The following CEPT1 variants were observed in gnomAD, a reference collection of about 807,000 sequenced individuals.
CEPT1 encodes the protein choline/ethanolamine phosphotransferase 1.
A neutral mutation model predicts 42.6 loss-of-function variants in CEPT1; 7 were observed. The observed-to-expected ratio is 0.16, with a 90% CI of 0.09 to 0.31. CEPT1 has a LOEUF of 0.31. Ranked by LOEUF, CEPT1 falls within the 10% of genes least tolerant of loss-of-function variation. The pLI is 1.00. For missense variants in CEPT1, 306 were observed against 502.1 expected (o/e 0.61, Z 3.73); for synonymous variants, 171 against 171.9 (o/e 0.99, Z 0.04).
chr1:111,182,325 A>G lies in CEPT1; in HGVS notation c.846+7A>G. On this transcript the variant is annotated splice_region_variant and intron_variant, in intron 6 of 8. Transcript: ENST00000357172. Reference sequence around the variant, plus strand: ...AAATGGATCAACAATAGCAGTAAGTATACCTTAAGATTTTCAACACTTGTT... The same window carrying G: ...AAATGGATCAACAATAGCAGTAAGTGTACCTTAAGATTTTCAACACTTGTT... The G allele has an allele frequency of 1.2e-6, 2 of 1,608,616 alleles. No individual in the cohort carries two copies. The highest frequency in any genetic ancestry group is 1.7e-6 in the Non-Finnish European group (2 of 1,178,246).
At chr1:111,171,481 C>T (rs1442082018) in intron 4 of CEPT1, among the ~76,000 whole-genome samples, 1 of 152,116 alleles carries the variant, frequency 6.6e-6, no homozygotes, top group Non-Finnish European at 1.5e-5. Flanking sequence ...GAATGATTGG[C>T]CTAAAGTTTA....
intron 5 of CEPT1, among the ~76,000 whole-genome samples, chr1:111,176,578 A>G (rs111275755): frequency 6.6e-6 from 1 of 152,178 alleles, no homozygotes; most frequent in Admixed American, 6.5e-5. Context: ...ATACAGGTTA[A>G]GTATCCCTTG....
intron 4 of CEPT1, among the ~76,000 whole-genome samples, chr1:111,164,432 G>A (rs1331912223): frequency 6.6e-6 from 1 of 152,138 alleles, no homozygotes; most frequent in African/African-American, 2.4e-5. Flanking sequence ...GGGGTTAGAG[G>A]CTAGAATTTC....
chr1:111,183,959 A>G (rs1170529228), intron 8 of CEPT1, among the ~76,000 whole-genome samples: 1 of 152,180 alleles, frequency 6.6e-6, no homozygotes, highest in Non-Finnish European at 1.5e-5. Context: ...TCATGGTACA[A>G]TGGCAGAGTT....
chr1:111,182,276 A>G lies in CEPT1; in HGVS notation c.804A>G (p.Val268=). The G allele has an allele frequency of 6.2e-7, 1 of 1,613,304 alleles. No homozygotes were observed. Residue 268 remains valine, a synonymous_variant, in exon 6 of 9, where the codon GTA becomes GTG. Transcript: ENST00000357172. ...TTTCCTGTACAAATTACTTCCGTGT[A>G]ATCTTCACAGGTGGTGTTGGCAAAA... ...TIFSCTNYFR[V]IFTGGVGKNG...
intron 2 of CEPT1, among the ~76,000 whole-genome samples, chr1:111,156,571 GA>G (rs768002670): frequency 9.3e-4 from 141 of 151,506 alleles, no homozygotes; most frequent in African/African-American, 3.2e-3. Flanking sequence ...GATGAGCGGG[GA>G]AAAAAAAATC....
At chr1:111,159,248 T>C (rs959717358) in intron 2 of CEPT1, 132 bp from the exon 3 acceptor site, 1 of 813,012 alleles carries the variant, frequency 1.2e-6, no homozygotes, top group East Asian at 2.7e-5. Flanking sequence ...CAGTGAGTTC[T>C]TCATTATGTA....
intron 2 of CEPT1, among the ~76,000 whole-genome samples, chr1:111,154,291 A>C (rs1284321340): frequency 1.3e-5 from 2 of 148,534 alleles, no homozygotes; most frequent in Non-Finnish European, 3.0e-5. Context: ...ATTTTTTTCC[A>C]GCTAGTTTGT....
chr1:111,184,053 G>A (rs1325797424), intron 8 of CEPT1, 138 bp from the exon 9 acceptor site: 1 of 913,738 alleles, frequency 1.1e-6, no homozygotes, highest in Non-Finnish European at 1.7e-6. Flanking sequence ...TGTATGTGAA[G>A]GAAAGATTGC....
chr1:111,183,901 T>C (rs1657120461), intron 8 of CEPT1, among the ~76,000 whole-genome samples: 1 of 152,196 alleles, frequency 6.6e-6, no homozygotes, highest in South Asian at 2.1e-4. Flanking sequence ...TACAGTTTTA[T>C]TGGAACACAG....
intron 3 of CEPT1, 184 bp downstream of exon 3, chr1:111,159,711 T>C (rs548023454): frequency 2.2e-6 from 1 of 457,140 alleles, no homozygotes; most frequent in Non-Finnish European, 3.7e-6. Context: ...AATTTAGAAA[T>C]TACTTTCTGC....
chr1:111,184,028 C>T (rs1657126426), intron 8 of CEPT1, among the ~76,000 whole-genome samples, 163 bp from the exon 9 acceptor site: 2 of 152,238 alleles, frequency 1.3e-5, no homozygotes, highest in South Asian at 4.1e-4. Flanking sequence ...CCATCTGTCT[C>T]TCTAACAAAG....
At chr1:111,144,806 G>A (rs755960058) in intron 1 of CEPT1, among the ~76,000 whole-genome samples, 1 of 152,070 alleles carries the variant, frequency 6.6e-6, no homozygotes, top group African/African-American at 2.4e-5. Context: ...ATCATTGCTC[G>A]ACTATAGAAA....
At chr1:111,155,469 A>G (rs1655511941) in intron 2 of CEPT1, among the ~76,000 whole-genome samples, 1 of 151,932 alleles carries the variant, frequency 6.6e-6, no homozygotes, top group African/African-American at 2.4e-5. Context: ...GTGTATACAC[A>G]CAACATATAT....
At chr1:111,147,532 A>C in intron 1 of CEPT1, 110 bp from the exon 2 acceptor site, 1 of 494,726 alleles carries the variant, frequency 2.0e-6, no homozygotes, top group East Asian at 3.3e-5. Flanking sequence ...GATACTTACT[A>C]CTTTATTGAC....
chr1:111,154,656 T>TA (rs1571124223), intron 2 of CEPT1, among the ~76,000 whole-genome samples: 1 of 152,178 alleles, frequency 6.6e-6, no homozygotes, highest in East Asian at 1.9e-4. Flanking sequence ...TTGAGGTATG[T>TA]TTCTTGTATG....
chr1:111,174,792 G>C lies in CEPT1; in HGVS notation c.630-87G>C, dbSNP rs1349615491. ...GAGATTTTTTTTTTCTATTGTGCAT[G>C]ATAGAGGAATGCTGCTAAGCTTGCA... On this transcript the variant is annotated intron_variant, in intron 4 of 8. Transcript: ENST00000357172. 3 of 833,438 alleles carry C rather than the reference G, an allele frequency of 3.6e-6. No individual in the cohort carries two copies. In the African/African-American group the frequency reaches 5.0e-5, roughly 14 times the overall value. 51.6% of individuals were successfully genotyped at this position (833,438 alleles called of 1,614,324 possible).
chr1:111,156,860 A>AT lies in CEPT1; in HGVS notation c.340-2514dup, dbSNP rs556219455. ...TTAGTAAAACCATATGTTTCTTGGA[A>AT]TTTTTTACCTGAGTTGACTCATATA... On this transcript the variant is annotated intron_variant, in intron 2 of 8. Coordinates refer to ENST00000357172, the MANE Select transcript of CEPT1 (RefSeq NM_006090.5). Among the ~76,000 whole-genome samples the AT allele has an allele frequency of 2.1e-3, 325 of 152,240 alleles. 3 individuals are homozygous for AT. The highest frequency in any genetic ancestry group is 1.5e-3 in the East Asian group (8 of 5,184).
At chr1:111,140,779 G>A (rs1411205876) in intron 1 of CEPT1, among the ~76,000 whole-genome samples, 1 of 152,216 alleles carries the variant, frequency 6.6e-6, no homozygotes, top group Non-Finnish European at 1.5e-5. Context: ...TTAGGAATGC[G>A]GTGCTGATGT....
Sources: gnomAD v4.1 joint callset for allele counts (sites outside exome capture counted in the v4.1 genomes callset) on GRCh38, gnomAD v4.1.1 for gene constraint, MANE v1.5 for transcripts, NCBI Gene and HGNC (gene_info 2026-07-23, HGNC 2026-07-21) for gene names.